Variants in NPAS3 observed in about 807,000 individuals in gnomAD.
NPAS3 encodes the protein neuronal PAS domain-containing protein 3.
In NPAS3, 14 loss-of-function variants were observed where a neutral mutation model predicts 73.1. That is an observed-to-expected ratio of 0.19 (90% CI 0.13 to 0.30). NPAS3 has a LOEUF of 0.30. NPAS3 is among the 10% of genes least tolerant of loss of function. The probability of loss-of-function intolerance (pLI) is 1.00; values close to 1 mark genes in which losing one functional copy is unlikely to be tolerated. For missense variants in NPAS3, 1,096 were observed against 1,250.0 expected (o/e 0.88, Z 1.86); for synonymous variants, 620 against 541.5 (o/e 1.14, Z -2.01).
Position 33,105,052 on chromosome 14 carries a change from A to G in NPAS3, c.140+49058A>G, listed in dbSNP as rs1259300712. 3.3e-5 allele frequency among the ~76,000 whole-genome samples: 5 copies of G among 152,282 alleles called. No individual in the cohort carries two copies. The East Asian group carries it at 7.7e-4, about 24-fold the overall frequency. On this transcript the variant is annotated intron_variant, in intron 2 of 11. Coordinates refer to ENST00000356141, the Ensembl canonical transcript of NPAS3. ...TTCATGATGTGGGAAAGCATCTACTATATCTTGGAGAAGTGTGTATATATA... is the reference window on the plus strand; with the variant it reads ...TTCATGATGTGGGAAAGCATCTACTGTATCTTGGAGAAGTGTGTATATATA...
chr14:33,012,675 A>T (rs1327296128), intron 1 of NPAS3, among the ~76,000 whole-genome samples: 1 of 151,904 alleles, frequency 6.6e-6, no homozygotes, highest in Admixed American at 6.6e-5. Context: ...CAGCCTCCCA[A>T]GTAGCTGGGA....
intron 1 of NPAS3, among the ~76,000 whole-genome samples, chr14:32,950,656 AT>A (rs1291153169): frequency 2.0e-5 from 3 of 152,102 alleles, no homozygotes; most frequent in Admixed American, 6.6e-5. Context: ...ACATCTTTGT[AT>A]TTACCTCAGA....
chr14:33,622,715 G>A (rs748470474), intron 5 of NPAS3, among the ~76,000 whole-genome samples: 7 of 152,104 alleles, frequency 4.6e-5, no homozygotes, highest in Non-Finnish European at 4.4e-5. Context: ...TCTTTTCACC[G>A]ATTATACAAA....
intron 6 of NPAS3, among the ~76,000 whole-genome samples, chr14:33,703,674 A>G (rs530949682): frequency 3.3e-5 from 5 of 152,154 alleles, no homozygotes; most frequent in South Asian, 2.1e-4. Flanking sequence ...TGATGATAAA[A>G]TTAACAACAA....
chr14:32,940,164 A>G (rs2035929077), intron 1 of NPAS3, among the ~76,000 whole-genome samples: 1 of 152,398 alleles, frequency 6.6e-6, no homozygotes, highest in African/African-American at 2.4e-5. Flanking sequence ...ATGCCCCGTT[A>G]GTTACTGTTT....
intron 4 of NPAS3, among the ~76,000 whole-genome samples, chr14:33,382,523 C>G (rs990883767): frequency 1.5e-4 from 23 of 152,142 alleles, no homozygotes; most frequent in African/African-American, 5.3e-4. Context: ...GAAATGCAGA[C>G]CAGTTTAGCT....
At chr14:33,099,402 A>T (rs1038633480) in intron 2 of NPAS3, among the ~76,000 whole-genome samples, 3 of 152,200 alleles carry the variant, frequency 2.0e-5, no homozygotes, top group African/African-American at 7.2e-5. Context: ...CAAGGACTAG[A>T]GGATCCATTC....
chr14:33,317,665 C>T (rs914323723), intron 3 of NPAS3, among the ~76,000 whole-genome samples: 1 of 152,038 alleles, frequency 6.6e-6, no homozygotes, highest in Non-Finnish European at 1.5e-5. Flanking sequence ...CTTCCTGCCA[C>T]TGTGTGAAGA....
chr14:33,071,091 A>G (rs2041469975), intron 2 of NPAS3, among the ~76,000 whole-genome samples: 1 of 152,166 alleles, frequency 6.6e-6, no homozygotes, highest in African/African-American at 2.4e-5. Flanking sequence ...CCCCCATGAC[A>G]CATTTACCCA....
At chr14:33,237,030 T>C (rs760510873) in intron 3 of NPAS3, among the ~76,000 whole-genome samples, 5 of 152,112 alleles carry the variant, frequency 3.3e-5, no homozygotes, top group Non-Finnish European at 5.9e-5. Flanking sequence ...ATGTTTTCAG[T>C]GGCTTTTAGG....
intron 3 of NPAS3, among the ~76,000 whole-genome samples, chr14:33,224,488 G>A (rs2047550023): frequency 6.6e-6 from 1 of 151,984 alleles, no homozygotes; most frequent in Non-Finnish European, 1.5e-5. Flanking sequence ...TCCATAGTAT[G>A]TTAGTAAATG....
At chr14:33,468,931 G>A (rs113943689) in intron 4 of NPAS3, among the ~76,000 whole-genome samples, 3,735 of 152,184 alleles carry the variant, frequency 0.025, 77 homozygotes, top group Middle Eastern at 0.061. Flanking sequence ...GACCCGGTTG[G>A]AATCCAAAAG....
intron 2 of NPAS3, among the ~76,000 whole-genome samples, chr14:33,204,735 G>T (rs1323368307): frequency 6.6e-6 from 1 of 152,090 alleles, no homozygotes; most frequent in Non-Finnish European, 1.5e-5. Flanking sequence ...CATTCTAACG[G>T]ACTCAATCGT....
intron 4 of NPAS3, among the ~76,000 whole-genome samples, chr14:33,452,774 C>CAAAAAAAAAAAA (rs61640170): frequency 3.7e-5 from 2 of 53,840 alleles, no homozygotes; most frequent in African/African-American, 1.6e-4. Context: ...GACTCTGTCT[C>CAAAAAAAAAAAA]AAAAAAAAAA....
At chr14:33,543,965 A>C (rs1443784933) in intron 4 of NPAS3, among the ~76,000 whole-genome samples, 2 of 28,068 alleles carry the variant, frequency 7.1e-5, no homozygotes, top group Non-Finnish European at 1.1e-4. Context: ...ATATATATAT[A>C]TATATATATA....
intron 3 of NPAS3, among the ~76,000 whole-genome samples, chr14:33,307,548 T>C (rs1038631706): frequency 6.8e-6 from 1 of 146,746 alleles, no homozygotes; most frequent in African/African-American, 2.5e-5. Flanking sequence ...CCTAAAACTC[T>C]TCCTGCCAAC....
At chr14:33,154,452 G>C (rs1440303201) in intron 2 of NPAS3, among the ~76,000 whole-genome samples, 2 of 152,206 alleles carry the variant, frequency 1.3e-5, no homozygotes, top group African/African-American at 4.8e-5. Flanking sequence ...CATCGACCAG[G>C]TGTCTCCTGC....
intron 3 of NPAS3, among the ~76,000 whole-genome samples, chr14:33,240,080 A>T (rs368537984): frequency 2.2e-4 from 33 of 152,024 alleles, no homozygotes; most frequent in African/African-American, 7.7e-4. Flanking sequence ...TCAGTTGCAC[A>T]ATGTAATTCT....
intron 5 of NPAS3, among the ~76,000 whole-genome samples, chr14:33,579,053 A>G (rs960226373): frequency 2.0e-5 from 3 of 152,214 alleles, no homozygotes; most frequent in Non-Finnish European, 4.4e-5. Flanking sequence ...TGCCAGAAAC[A>G]ATATTAAGCC....
Sources: allele counts gnomAD v4.1 joint callset (sites outside exome capture counted in the v4.1 genomes callset), GRCh38; gene constraint gnomAD v4.1.1; transcripts MANE v1.5; gene names NCBI Gene and HGNC (gene_info 2026-07-23, HGNC 2026-07-21).